The following KANSL1 variants were observed in gnomAD, a reference collection of about 807,000 sequenced individuals.
KANSL1 encodes the protein KAT8 regulatory NSL complex subunit 1, also known as MLL1/MLL complex subunit KANSL1.
A neutral mutation model predicts 103.6 loss-of-function variants in KANSL1; 22 were observed. The observed-to-expected ratio is 0.21, with a 90% CI of 0.15 to 0.30. The LOEUF (loss-of-function observed/expected upper bound fraction) is 0.30. KANSL1 is among the 10% of genes least tolerant of loss of function. KANSL1 has a pLI of 1.00. For missense variants in KANSL1, 1,337 were observed against 1,399.8 expected (o/e 0.96, Z 0.72); for synonymous variants, 600 against 527.6 (o/e 1.14, Z -1.88).
intron 2 of KANSL1, among the ~76,000 whole-genome samples, chr17:46,168,883 G>C (rs2147707535): frequency 6.6e-6 from 1 of 152,358 alleles, no homozygotes; most frequent in East Asian, 1.9e-4. Flanking sequence ...GAACTAAGTA[G>C]TGAATGAATG....
intron 1 of KANSL1, among the ~76,000 whole-genome samples, chr17:46,187,985 G>A (rs1207137349): frequency 6.6e-6 from 1 of 152,162 alleles, no homozygotes; most frequent in Non-Finnish European, 1.5e-5. Context: ...ATATATTGCA[G>A]CTCTTTTTGG....
chr17:46,147,865 G>A (rs35871694), intron 2 of KANSL1, among the ~76,000 whole-genome samples: 16,274 of 151,798 alleles, frequency 0.11, 1,231 homozygotes, highest in Non-Finnish European at 0.16. Context: ...ACCCTTGAAA[G>A]GCTTAGGAAT....
intron 7 of KANSL1, chr17:46,045,436 T>TAAAAAAAAAAA (rs1208609334): frequency 3.3e-5 from 5 of 151,462 alleles, no homozygotes; most frequent in South Asian, 2.1e-4. Flanking sequence ...AGCCTACATG[T>TAAAAAAAAAAA]AAAAATATAT....
chr17:46,038,979 C>T (rs762258142), intron 9 of KANSL1, 48 bp downstream of exon 9: 1 of 1,585,404 alleles, frequency 6.3e-7, no homozygotes, highest in South Asian at 1.1e-5. Context: ...CCCAGAAAGC[C>T]CTGAGCAGGT....
At chr17:46,183,522 A>G (rs1349862492) in intron 1 of KANSL1, among the ~76,000 whole-genome samples, 5 of 152,002 alleles carry the variant, frequency 3.3e-5, no homozygotes, top group Non-Finnish European at 7.4e-5. Context: ...CCTGGGTTAC[A>G]GAGCAAGATT....
intron 1 of KANSL1, among the ~76,000 whole-genome samples, chr17:46,186,312 G>A (rs1264709094): frequency 2.0e-5 from 3 of 151,778 alleles, no homozygotes; most frequent in South Asian, 2.1e-4. Flanking sequence ...GAACCCAGGA[G>A]GCAGAGCTTG....
At chr17:46,141,878 G>A (rs942211290) in intron 2 of KANSL1, among the ~76,000 whole-genome samples, 3 of 152,128 alleles carry the variant, frequency 2.0e-5, no homozygotes, top group Non-Finnish European at 4.4e-5. Flanking sequence ...AATTAAAAGG[G>A]TAGTTTCTTT....
At chr17:46,033,573 C>T (rs1252854243) in intron 11 of KANSL1, 113 bp from the exon 12 acceptor site, 1 of 852,976 alleles carries the variant, frequency 1.2e-6, no homozygotes, top group Non-Finnish European at 2.0e-6. Flanking sequence ...ACACTGCTCT[C>T]TGCCGGGTAG....
chr17:46,081,509 T>C (rs1032755691), intron 4 of KANSL1, among the ~76,000 whole-genome samples: 1 of 152,254 alleles, frequency 6.6e-6, no homozygotes, highest in Non-Finnish European at 1.5e-5. Flanking sequence ...AATCTTCTAG[T>C]GTCTTCACAT....
intron 1 of KANSL1, among the ~76,000 whole-genome samples, chr17:46,208,608 C>A (rs943970796): frequency 3.4e-5 from 5 of 145,558 alleles, no homozygotes; most frequent in Non-Finnish European, 7.5e-5. Flanking sequence ...CAGAGGGAGA[C>A]CCTGTCTCAA....
chr17:46,114,880 C>T (rs543544409), intron 2 of KANSL1, among the ~76,000 whole-genome samples: 42 of 152,270 alleles, frequency 2.8e-4, no homozygotes, highest in African/African-American at 9.4e-4. Context: ...TTATATCACA[C>T]GGATTCTGTT....
rs66498281 is a variant in KANSL1 at position 46,200,744 on chromosome 17, A to AAT, written c.-90+22925_-90+22926dup. ...GCGACAGAGCGAAACTCTGTCTCAA[A>AAT]ATATATATATATATATATTTTTCTT... On this transcript the variant is annotated intron_variant, in intron 1 of 14. Coordinates refer to the KANSL1 transcript ENST00000572904. Among the ~76,000 whole-genome samples, 1,281 of 150,038 alleles carry AAT rather than the reference A, an allele frequency of 8.5e-3. 17 individuals carry two copies. Among genetic ancestry groups the AAT allele is most frequent in the African/African-American group, 0.027 (1,081 of 40,786 alleles).
At chr17:46,135,533 CAACTA>C (rs2044088707) in intron 2 of KANSL1, among the ~76,000 whole-genome samples, 1 of 144,784 alleles carries the variant, frequency 6.9e-6, no homozygotes, top group Non-Finnish European at 1.5e-5. Context: ...TTTTTCCCCT[CAACTA>C]TACATTTTTT....
At chr17:46,161,743 T>C (rs758261958) in intron 2 of KANSL1, among the ~76,000 whole-genome samples, 3 of 152,236 alleles carry the variant, frequency 2.0e-5, no homozygotes, top group Non-Finnish European at 2.9e-5. Flanking sequence ...CTCTCTCTAG[T>C]TGCCATTCCC....
In KANSL1 at chr17:46,131,886, T is replaced by C. The variant is rs1380972191; in HGVS notation, c.1290-37185A>G. Reference sequence around the variant, plus strand: ...GCTCATGCCTGTAATCCCAGCACTTTGGGAGGCCGAGGCAGGTGGATCACA... The same window carrying C: ...GCTCATGCCTGTAATCCCAGCACTTCGGGAGGCCGAGGCAGGTGGATCACA... On this transcript the variant is annotated intron_variant, in intron 2 of 14. Transcript: ENST00000432791. Among the ~76,000 whole-genome samples the C allele has an allele frequency of 2.0e-5, 3 of 152,164 alleles. No individual in the cohort carries two copies. The East Asian group carries it at 5.8e-4, about 29-fold the overall frequency.
chr17:46,159,346 T>C (rs1158303939), intron 2 of KANSL1, among the ~76,000 whole-genome samples: 1 of 152,276 alleles, frequency 6.6e-6, no homozygotes, highest in Non-Finnish European at 1.5e-5. Context: ...TTGTCCAGAA[T>C]TCTTTCTACT....
At chr17:46,072,248 CAG>C (rs1429077226) in intron 4 of KANSL1, among the ~76,000 whole-genome samples, 2 of 151,544 alleles carry the variant, frequency 1.3e-5, no homozygotes, top group Admixed American at 1.3e-4. Context: ...GGGGTAAAAA[CAG>C]AGAGCCACAC....
At chr17:46,175,826 T>C (rs1323252845) in intron 1 of KANSL1, among the ~76,000 whole-genome samples, 1 of 152,244 alleles carries the variant, frequency 6.6e-6, no homozygotes, top group Non-Finnish European at 1.5e-5. Flanking sequence ...ACTTTAAATA[T>C]AATACTAATT....
chr17:46,134,446 A>T (rs2044019526), intron 2 of KANSL1, among the ~76,000 whole-genome samples: 1 of 152,174 alleles, frequency 6.6e-6, no homozygotes, highest in Non-Finnish European at 1.5e-5. Flanking sequence ...TTTATAATGT[A>T]TTTACAAGAC....
Sources: allele counts gnomAD v4.1 joint callset (sites outside exome capture counted in the v4.1 genomes callset), GRCh38; gene constraint gnomAD v4.1.1; transcripts MANE v1.5; gene names NCBI Gene and HGNC (gene_info 2026-07-23, HGNC 2026-07-21).